The following UBR3 variants were observed in gnomAD, a reference collection of about 807,000 sequenced individuals.
The protein encoded by UBR3 is E3 ubiquitin-protein ligase UBR3.
Under a neutral mutation model 243.2 loss-of-function variants are expected in UBR3, and 85 were observed. The ratio of observed to expected loss-of-function variants is 0.35; its 90% CI spans 0.29 to 0.42. UBR3 has a LOEUF of 0.42. Ranked by LOEUF, UBR3 falls within the 10% of genes least tolerant of loss-of-function variation. The pLI is 1.00. For synonymous variants in UBR3, 748 were observed against 799.8 expected (o/e 0.94, Z 1.09); for missense variants, 1,686 against 2,300.8 (o/e 0.73, Z 5.47).
chr2:170,051,636 C>T (rs950433263), intron 32 of UBR3, among the ~76,000 whole-genome samples: 2 of 152,106 alleles, frequency 1.3e-5, no homozygotes, highest in African/African-American at 4.8e-5. Context: ...TGAGCCACCG[C>T]GCCCGGCCAC....
intron 27 of UBR3, among the ~76,000 whole-genome samples, chr2:170,005,822 T>C (rs1358057218): frequency 6.6e-6 from 1 of 151,982 alleles, no homozygotes; most frequent in Non-Finnish European, 1.5e-5. Context: ...GGAAAACATA[T>C]CGAGGTACCA....
At chr2:170,047,204 TCTCA>T (rs2091111641) in intron 32 of UBR3, among the ~76,000 whole-genome samples, 1 of 149,840 alleles carries the variant, frequency 6.7e-6, no homozygotes, top group Non-Finnish European at 1.5e-5. Flanking sequence ...GGGGGGGGGG[TCTCA>T]CTTTGTTGCC....
intron 38 of UBR3, 148 bp from the exon 39 acceptor site, chr2:170,081,578 T>C (rs1456640232): frequency 4.4e-6 from 2 of 459,262 alleles, no homozygotes; most frequent in Non-Finnish European, 3.9e-6. Context: ...TAATCCCAGC[T>C]ACTCGAGAGG....
rs61177733 is a variant in UBR3 at position 169,937,333 on chromosome 2, C to T, written c.2663+4325C>T. ...TTGAGAAGTGTCTGTTCGTATCCTT[C>T]GCCCACTTTTTGATGGGGTTGTTTG... On this transcript the variant is annotated intron_variant, in intron 19 of 38. Transcript: ENST00000272793. 4.1e-3 allele frequency among the ~76,000 whole-genome samples: 625 copies of T among 152,264 alleles called. 7 individuals carry two copies. The highest frequency in any genetic ancestry group is 0.011 in the African/African-American group (450 of 41,550).
At chr2:169,896,299 T>A (rs537856253) in intron 7 of UBR3, among the ~76,000 whole-genome samples, 68 of 131,628 alleles carry the variant, frequency 5.2e-4, no homozygotes, top group African/African-American at 1.2e-3. Context: ...GGGAAAAAAA[T>A]TTTTTTTTTT....
chr2:169,853,632 G>T (rs2354231), intron 1 of UBR3, among the ~76,000 whole-genome samples: 149,940 of 152,096 alleles, frequency 0.99, 73,933 homozygotes, highest in East Asian at 1. Context: ...GTATTTTTAG[G>T]AGAGATTGGG....
At chr2:169,846,908 A>G (rs1559014145) in intron 1 of UBR3, among the ~76,000 whole-genome samples, 1 of 151,880 alleles carries the variant, frequency 6.6e-6, no homozygotes, top group Non-Finnish European at 1.5e-5. Flanking sequence ...AAATTTTTGT[A>G]TTTTTTATAT....
At chr2:169,935,129 T>C (rs879661348) in intron 19 of UBR3, among the ~76,000 whole-genome samples, 1 of 152,214 alleles carries the variant, frequency 6.6e-6, no homozygotes, top group Non-Finnish European at 1.5e-5. Flanking sequence ...TATGAAGACA[T>C]TGTGGCTCAG....
chr2:169,996,989 A>G (rs574168144), intron 26 of UBR3, among the ~76,000 whole-genome samples: 1 of 150,120 alleles, frequency 6.7e-6, no homozygotes, highest in South Asian at 2.1e-4. Flanking sequence ...GTGAGCCACC[A>G]TGCCCGGCCT....
At chr2:169,868,436 C>T (rs1012192926) in intron 1 of UBR3, among the ~76,000 whole-genome samples, 4 of 152,174 alleles carry the variant, frequency 2.6e-5, no homozygotes, top group Admixed American at 6.5e-5. Flanking sequence ...CTCCACCTCC[C>T]GGGTTTAAGT....
intron 33 of UBR3, among the ~76,000 whole-genome samples, chr2:170,058,963 T>C (rs1233009956): frequency 6.6e-6 from 1 of 152,220 alleles, no homozygotes; most frequent in African/African-American, 2.4e-5. Context: ...GCACAGACTC[T>C]CTTGCATCTC....
intron 13 of UBR3, among the ~76,000 whole-genome samples, chr2:169,924,916 C>T (rs544351114): frequency 2.6e-4 from 39 of 152,172 alleles, no homozygotes; most frequent in Admixed American, 8.5e-4. Flanking sequence ...ACCTGTAGTC[C>T]CAGCTACTCG....
chr2:169,881,364 A>G (rs546460891), intron 5 of UBR3, among the ~76,000 whole-genome samples: 1 of 152,012 alleles, frequency 6.6e-6, no homozygotes, highest in Admixed American at 6.6e-5. Flanking sequence ...TTTTTGGTAA[A>G]GATGGGGTTT....
At chr2:170,004,566 G>C (rs2089837105) in intron 27 of UBR3, among the ~76,000 whole-genome samples, 1 of 152,110 alleles carries the variant, frequency 6.6e-6, no homozygotes, top group African/African-American at 2.4e-5. Context: ...GAGTAAAGGG[G>C]GCAGGGGTGG....
intron 24 of UBR3, among the ~76,000 whole-genome samples, chr2:169,965,517 C>T (rs1440750799): frequency 6.6e-6 from 1 of 152,000 alleles, no homozygotes; most frequent in Non-Finnish European, 1.5e-5. Flanking sequence ...AAGAGATTAG[C>T]AACACAATAA....
intron 23 of UBR3, 108 bp downstream of exon 23, chr2:169,950,173 A>T: frequency 9.9e-7 from 1 of 1,005,878 alleles, no homozygotes; most frequent in Non-Finnish European, 1.4e-6. Flanking sequence ...AGGAACAGTC[A>T]TAGCTGATTA....
At chr2:169,956,166 ACT>A (rs1454831208) in intron 23 of UBR3, among the ~76,000 whole-genome samples, 7 of 150,058 alleles carry the variant, frequency 4.7e-5, no homozygotes, top group East Asian at 2.0e-4. Context: ...TAACTCTGTA[ACT>A]CTCTACTTCT....
At chr2:169,983,304 AG>A (rs1559157114) in intron 24 of UBR3, among the ~76,000 whole-genome samples, 1 of 122,704 alleles carries the variant, frequency 8.1e-6, no homozygotes, top group Non-Finnish European at 1.6e-5. Context: ...TCTGTCACCC[AG>A]GCTGTAGTAT....
At chr2:169,972,877 C>G (rs1386259844) in intron 24 of UBR3, among the ~76,000 whole-genome samples, 1 of 151,112 alleles carries the variant, frequency 6.6e-6, no homozygotes, top group Non-Finnish European at 1.5e-5. Context: ...CCCTCTCTCA[C>G]CACTTCTATT....
Sources: allele counts gnomAD v4.1 joint callset (sites outside exome capture counted in the v4.1 genomes callset), GRCh38; gene constraint gnomAD v4.1.1; transcripts MANE v1.5; gene names NCBI Gene and HGNC (gene_info 2026-07-23, HGNC 2026-07-21).